The following OR14A2 variants were observed in gnomAD, a reference collection of about 807,000 sequenced individuals.
OR14A2 encodes the protein olfactory receptor 14A2.
For missense variants in OR14A2, 237 were observed against 152.9 expected (o/e 1.55, Z -2.90); for synonymous variants, 114 against 58.6 (o/e 1.95, Z -4.32).
the OR14A2 span, among the ~76,000 whole-genome samples, chr1:247,734,174 A>G: frequency 2.0e-5 from 3 of 152,162 alleles, no homozygotes; most frequent in South Asian, 2.1e-4. Context: ...ATGGTCCCCA[A>G]TCTAAACTTA....
At chr1:247,735,498 TG>T in the OR14A2 span, among the ~76,000 whole-genome samples, 3 of 152,264 alleles carry the variant, frequency 2.0e-5, no homozygotes, top group South Asian at 6.2e-4. Context: ...GGAAAAGGTG[TG>T]GCATCACGTC....
At chr1:247,740,985 T>G in the OR14A2 span, among the ~76,000 whole-genome samples, 1 of 152,228 alleles carries the variant, frequency 6.6e-6, no homozygotes, top group African/African-American at 2.4e-5. Flanking sequence ...CTCTGTATGC[T>G]CACTACAGCA....
At chr1:247,727,305 G>A (rs1660398643), upstream of OR14A2, among the ~76,000 whole-genome samples, 1 of 148,074 alleles carries the variant, frequency 6.8e-6, no homozygotes, top group Admixed American at 6.6e-5. Flanking sequence ...ATTGTGAATG[G>A]GAGTTCACTC....
chr1:247,737,740 G>C, the OR14A2 span, among the ~76,000 whole-genome samples: 1 of 152,072 alleles, frequency 6.6e-6, no homozygotes, highest in Non-Finnish European at 1.5e-5. Flanking sequence ...TGATCTGAGG[G>C]AAAAACATGG....
the OR14A2 span, chr1:247,739,495 A>G: frequency 1.3e-6 from 1 of 780,760 alleles, no homozygotes; most frequent in Non-Finnish European, 2.4e-6. Context: ...AAGAACAAGG[A>G]CATTAAATCC....
At chr1:247,740,206 A>G in the OR14A2 span, among the ~76,000 whole-genome samples, 1 of 152,038 alleles carries the variant, frequency 6.6e-6, no homozygotes, top group African/African-American at 2.4e-5. Context: ...TTATTGTCCT[A>G]TCTTTTCCAG....
chr1:247,731,375 A>AT, the OR14A2 span, among the ~76,000 whole-genome samples: 4 of 151,664 alleles, frequency 2.6e-5, no homozygotes, highest in African/African-American at 9.7e-5. Flanking sequence ...TATATTACTA[A>AT]TTTTTTCTTG....
chr1:247,731,520 A>AT, the OR14A2 span, among the ~76,000 whole-genome samples: 5 of 151,666 alleles, frequency 3.3e-5, no homozygotes, highest in Non-Finnish European at 5.9e-5. Flanking sequence ...TTTCCCTCAG[A>AT]TTTCAAAAAA....
At chr1:247,732,175 G>A in the OR14A2 span, among the ~76,000 whole-genome samples, 1 of 151,378 alleles carries the variant, frequency 6.6e-6, no homozygotes, top group East Asian at 1.9e-4. Context: ...CTTTTTTTTT[G>A]TATTTTACTT....
downstream of OR14A2, chr1:247,723,078 C>A: frequency 1.4e-6 from 1 of 693,684 alleles, no homozygotes; most frequent in Admixed American, 2.1e-5. Flanking sequence ...GGCACTGTAT[C>A]ACTGACAGAA....
At chr1:247,725,716 A>G (rs1284111712), upstream of OR14A2, among the ~76,000 whole-genome samples, 1 of 121,910 alleles carries the variant, frequency 8.2e-6, no homozygotes, top group African/African-American at 3.1e-5. Context: ...AGAGTGTGAT[A>G]TTCCCCTTCC....
the OR14A2 span, among the ~76,000 whole-genome samples, chr1:247,736,630 G>A: frequency 2.2e-4 from 33 of 152,208 alleles, no homozygotes; most frequent in Admixed American, 1.8e-3. Flanking sequence ...GGGGTGGAAG[G>A]AACTCAAAAG....
At chr1:247,725,815 AATG>A (rs1475488787), upstream of OR14A2, among the ~76,000 whole-genome samples, 2 of 121,284 alleles carry the variant, frequency 1.6e-5, no homozygotes, top group Admixed American at 1.7e-4. Flanking sequence ...GTTTACTGAG[AATG>A]ATGATTTCCA....
At chr1:247,739,441 A>G in the OR14A2 span, 3 of 780,766 alleles carry the variant, frequency 3.8e-6, no homozygotes, top group South Asian at 2.7e-5. Context: ...TCTGTGTTCT[A>G]TTCTGTCGCA....
At chr1:247,727,371 G>T (rs1222733004), upstream of OR14A2, among the ~76,000 whole-genome samples, 1 of 150,900 alleles carries the variant, frequency 6.6e-6, no homozygotes, top group East Asian at 1.9e-4. Context: ...TGTGACTTTT[G>T]TACATTGATT....
chr1:247,724,116 A>C, upstream of OR14A2: 4 of 624,836 alleles, frequency 6.4e-6, no homozygotes, highest in Non-Finnish European at 1.1e-5. Flanking sequence ...AAAATTAAAA[A>C]ATTAGTCTAT....
the OR14A2 span, among the ~76,000 whole-genome samples, chr1:247,747,704 G>T: frequency 3.3e-5 from 5 of 152,152 alleles, 1 homozygote; most frequent in South Asian, 1.0e-3. Context: ...CATTAGATTT[G>T]GTCTCAGTAT....
exon 1 of OR14A2, chr1:247,723,507 A>C: frequency 1.4e-6 from 1 of 717,890 alleles, no homozygotes; most frequent in Non-Finnish European, 2.6e-6. Flanking sequence ...GTAATGAAGG[A>C]ACATCACAGA....
the OR14A2 span, chr1:247,746,997 A>C: frequency 6.6e-6 from 1 of 152,350 alleles, no homozygotes; most frequent in East Asian, 1.9e-4. Flanking sequence ...TTTACATCAA[A>C]ATTATTTGTA....
Sources: allele counts gnomAD v4.1 joint callset (sites outside exome capture counted in the v4.1 genomes callset), GRCh38; gene constraint gnomAD v4.1.1; transcripts MANE v1.5; gene names NCBI Gene and HGNC (gene_info 2026-07-23, HGNC 2026-07-21).